Variants in DIABLO observed in about 807,000 individuals in gnomAD.
DIABLO encodes the protein diablo IAP-binding mitochondrial protein.
DIABLO carries 32 observed loss-of-function variants against 31.7 expected under a neutral mutation model. The observed-to-expected ratio is 1.01, with a 90% CI of 0.76 to 1.35. DIABLO has a LOEUF of 1.35. DIABLO is among the 40% of genes most tolerant of loss of function. The pLI, the probability that DIABLO is intolerant of heterozygous loss-of-function variation, is 0.00. For synonymous variants in DIABLO, 132 were observed against 103.2 expected, an observed-to-expected ratio of 1.28 and a Z score of -1.69; for missense variants, 316 against 286.4, an observed-to-expected ratio of 1.10 and a Z score of -0.75.
chr12:122,209,782 A>G, intron 5 of DIABLO: 1 of 703,542 alleles, frequency 1.4e-6, no homozygotes, highest in South Asian at 1.5e-5. Context: ...CTGCATTAAC[A>G]AGAACCTTCA....
chr12:122,223,926 G>A (rs895666109), intron 2 of DIABLO, among the ~76,000 whole-genome samples: 3 of 152,102 alleles, frequency 2.0e-5, no homozygotes, highest in African/African-American at 7.2e-5. Flanking sequence ...TCAGCCTCCT[G>A]AGTAGTTGCC....
Position 122,208,533 on chromosome 12 carries a change from C to T in DIABLO, c.568G>A (p.Val190Met). Residue 190 changes from valine to methionine, a missense_variant, in exon 6 of 6, where the codon GTG becomes ATG. Val to Met is a conservative substitution (Grantham distance 21). Transcript: ENST00000464942. ...SITARNHIQL[V>M]KLQVEEVHQL... is the part of the protein sequence containing the mutation. ...TGCACCTCTTCCACCTGCAGTTTCA[C>T]CAGCTGAATGTGATTCCTGGCGGTT... 1 of 1,614,000 alleles carries T rather than the reference C, an allele frequency of 6.2e-7. No homozygotes were observed. The highest frequency in any genetic ancestry group is 8.5e-7 in the Non-Finnish European group (1 of 1,180,016).
At chr12:122,215,656 T>C (rs1954192860) in intron 5 of DIABLO, among the ~76,000 whole-genome samples, 1 of 151,786 alleles carries the variant, frequency 6.6e-6, no homozygotes, top group Non-Finnish European at 1.5e-5. Flanking sequence ...ACCACTCAGG[T>C]AGGATGTTCT....
chr12:122,217,181 A>C, intron 3 of DIABLO: 1 of 355,890 alleles, frequency 2.8e-6, no homozygotes, highest in South Asian at 2.3e-5. Flanking sequence ...AAATGCACAA[A>C]TGAGACTTCA....
intron 2 of DIABLO, chr12:122,222,246 C>G (rs1376717728): frequency 1.3e-5 from 2 of 152,118 alleles, no homozygotes; most frequent in African/African-American, 4.8e-5. Context: ...CCTTTCAAAA[C>G]CCACTCCTCT....
At position 122,218,375 on chromosome 12, in the gene DIABLO, C is replaced by T; in HGVS notation, c.206G>A (p.Ser69Asn). ...IAQKSEPHSLSSEALMRRAVS... is the reference protein window; with the variant it reads ...IAQKSEPHSLNSEALMRRAVS... Reference sequence around the variant, plus strand: ...TGCTCTCCTCATCAATGCTTCACTACTAAGGGAATGAGGCTCTGATTTCTG... The same window carrying T: ...TGCTCTCCTCATCAATGCTTCACTATTAAGGGAATGAGGCTCTGATTTCTG... The change falls in exon 3 of 6, where the codon AGT becomes AAT. Residue 69 changes from serine to asparagine, a missense_variant. Transcript: ENST00000464942. 2 of 1,614,176 alleles carry T rather than the reference C, an allele frequency of 1.2e-6. No homozygotes were observed. The highest frequency in any genetic ancestry group is 1.1e-5 in the South Asian group (1 of 91,088).
At chr12:122,226,698 C>T (rs1954487719), upstream of DIABLO, 1 of 588,122 alleles carries the variant, frequency 1.7e-6, no homozygotes, top group South Asian at 2.0e-5. Flanking sequence ...GTGCCGACCT[C>T]CCCAACAGCC....
chr12:122,225,106 G>C (rs1189252759), intron 1 of DIABLO: 2 of 327,858 alleles, frequency 6.1e-6, no homozygotes, highest in South Asian at 2.6e-5. Context: ...CCAGCTACTC[G>C]GGAGGCTGAG....
rs775209605 is a variant in DIABLO, at chr12:122,214,098, CAAAA to C, written c.523+2386_523+2389del. On this transcript the variant is annotated intron_variant, in intron 5 of 5. Coordinates refer to ENST00000464942, the MANE Select transcript of DIABLO (RefSeq NM_001371333.1). Reference sequence around the variant, plus strand: ...AGACTGTCTCAAAAAAACAAACAAACAAAAAAACTAACAACAACAAAAAAAACCT... The same window carrying C: ...AGACTGTCTCAAAAAAACAAACAAACAAACTAACAACAACAAAAAAAACCT... Among the ~76,000 whole-genome samples, 16 of 152,022 alleles carry C rather than the reference CAAAA, an allele frequency of 1.1e-4. No individual in the cohort carries two copies. In the East Asian group the frequency reaches 3.1e-3, roughly 29 times the overall value.
intron 3 of DIABLO, among the ~76,000 whole-genome samples, chr12:122,217,943 T>G (rs1277533571): frequency 6.6e-6 from 1 of 151,878 alleles, no homozygotes; most frequent in Non-Finnish European, 1.5e-5. Flanking sequence ...TCACTCCTGT[T>G]TTATATACTA....
intron 1 of DIABLO, chr12:122,225,620 C>G: frequency 7.9e-7 from 1 of 1,260,296 alleles, no homozygotes; most frequent in Non-Finnish European, 1.0e-6. Context: ...GTCTCCCTTC[C>G]CGGACTCCCC....
chr12:122,219,786 C>A (rs1330521587), intron 2 of DIABLO, among the ~76,000 whole-genome samples: 1 of 150,142 alleles, frequency 6.7e-6, no homozygotes, highest in East Asian at 2.0e-4. Flanking sequence ...TCGCTTGAAC[C>A]CAGGAGGTGG....
chr12:122,226,902 C>T (rs1954491241), upstream of DIABLO, among the ~76,000 whole-genome samples: 1 of 152,218 alleles, frequency 6.6e-6, no homozygotes, highest in African/African-American at 2.4e-5. Flanking sequence ...GCCGCTAATG[C>T]GCTGGTGGAG....
At chr12:122,225,790 G>A (rs970671707) in intron 1 of DIABLO, 175 bp downstream of exon 1, 121 of 1,454,896 alleles carry the variant, frequency 8.3e-5, no homozygotes, top group Non-Finnish European at 9.3e-5. Flanking sequence ...GCTTGACCCA[G>A]GGGGCGGAGG....
chr12:122,210,373 T>C (rs1954055487), intron 5 of DIABLO, among the ~76,000 whole-genome samples: 1 of 3,332 alleles, frequency 3.0e-4, no homozygotes, highest in Non-Finnish European at 4.6e-3. Context: ...ATTTCTACCT[T>C]TTTTTTTTTT....
chr12:122,218,337 T>G lies in DIABLO; in HGVS notation c.244A>C (p.Thr82Pro). 1 of 1,614,166 alleles carries G rather than the reference T, an allele frequency of 6.2e-7. No individual in the cohort carries two copies. The highest frequency in any genetic ancestry group is 8.5e-7 in the Non-Finnish European group (1 of 1,180,026). ...ALMRRAVSLV[T>P]DSTSTFLSQT... ...GAGAGAAAGGTAGAGGTGCTATCTGTTACCAAAGACACTGCTCTCCTCATC... is the reference window on the plus strand; with the variant it reads ...GAGAGAAAGGTAGAGGTGCTATCTGGTACCAAAGACACTGCTCTCCTCATC... Residue 82 changes from threonine (T) to proline (P), a missense_variant, in exon 3 of 6, where the codon ACA becomes CCA. Thr to Pro is a conservative substitution (Grantham distance 38). Transcript: ENST00000464942.
intron 5 of DIABLO, among the ~76,000 whole-genome samples, chr12:122,210,200 C>G (rs1954050339): frequency 6.6e-6 from 1 of 152,036 alleles, no homozygotes; most frequent in African/African-American, 2.4e-5. Flanking sequence ...CGGGGCTATG[C>G]TGGCTTCATA....
intron 5 of DIABLO, among the ~76,000 whole-genome samples, chr12:122,215,175 G>A (rs894786760): frequency 2.0e-5 from 3 of 152,066 alleles, no homozygotes; most frequent in Non-Finnish European, 2.9e-5. Context: ...GCTTGTAATC[G>A]GGAGGCTGAG....
chr12:122,218,930 G>C (rs141800157), intron 2 of DIABLO, among the ~76,000 whole-genome samples: 3,937 of 108,798 alleles, frequency 0.036, 176 homozygotes, highest in African/African-American at 0.13. Context: ...GACAGAGCAA[G>C]ACTAAAAAAA....
Sources: gnomAD v4.1 joint callset for allele counts (sites outside exome capture counted in the v4.1 genomes callset) on GRCh38, gnomAD v4.1.1 for gene constraint, MANE v1.5 for transcripts, NCBI Gene and HGNC (gene_info 2026-07-23, HGNC 2026-07-21) for gene names.